The following MPDZ variants were observed in gnomAD, a reference collection of about 807,000 sequenced individuals.
MPDZ encodes multiple PDZ domain crumbs cell polarity complex component.
MPDZ carries 234 observed loss-of-function variants against 239.1 expected under a neutral mutation model. The ratio of observed to expected loss-of-function variants is 0.98; its 90% confidence interval spans 0.88 to 1.09. MPDZ has a LOEUF of 1.09. MPDZ is among the 50% of genes least tolerant of loss of function. The pLI is 0.00. For missense variants in MPDZ, 3,175 were observed against 2,510.0 expected (o/e 1.26, Z -5.66); for synonymous variants, 1,048 against 881.3 (o/e 1.19, Z -3.35).
chr9:13,165,386 C>T (rs1056794385), intron 22 of MPDZ: 11 of 1,549,352 alleles, frequency 7.1e-6, no homozygotes, highest in African/African-American at 2.7e-5. Context: ...GGGGCTCGAT[C>T]GTCAGCAGGT....
intron 32 of MPDZ, 117 bp from the exon 33 acceptor site, chr9:13,126,889 C>G (rs1187213748): frequency 2.6e-6 from 2 of 756,762 alleles, no homozygotes; most frequent in African/African-American, 3.5e-5. Flanking sequence ...AATCTAAGAC[C>G]TTAGACTTTA....
intron 22 of MPDZ, among the ~76,000 whole-genome samples, chr9:13,165,985 A>G (rs1951025107): frequency 6.6e-6 from 1 of 152,164 alleles, no homozygotes; most frequent in South Asian, 2.1e-4. Flanking sequence ...GGCAAAAAAG[A>G]AATCCAGTGC....
chr9:13,267,279 T>C (rs1302201366), intron 1 of MPDZ, among the ~76,000 whole-genome samples: 2 of 152,242 alleles, frequency 1.3e-5, no homozygotes, highest in Non-Finnish European at 2.9e-5. Context: ...CATTTGTTTA[T>C]AATAGCTTCC....
At chr9:13,257,157 G>A (rs1481632169) in intron 1 of MPDZ, among the ~76,000 whole-genome samples, 1 of 152,102 alleles carries the variant, frequency 6.6e-6, no homozygotes, top group African/African-American at 2.4e-5. Context: ...TGTTCCAATA[G>A]GCTTAGCTCT....
chr9:13,133,225 TA>T (rs1246583396), intron 32 of MPDZ, among the ~76,000 whole-genome samples: 1 of 152,054 alleles, frequency 6.6e-6, no homozygotes, highest in Non-Finnish European at 1.5e-5. Flanking sequence ...TCATCTCTCT[TA>T]AATGGCAATA....
At chr9:13,268,222 C>G (rs1465797688) in intron 1 of MPDZ, among the ~76,000 whole-genome samples, 1 of 150,986 alleles carries the variant, frequency 6.6e-6, no homozygotes, top group Admixed American at 6.6e-5. Context: ...TATAATACAT[C>G]CCAAAAAACC....
intron 1 of MPDZ, 131 bp downstream of exon 1, chr9:13,279,269 A>ACCCCCGCCCCCC (rs1181044578): frequency 3.4e-5 from 1 of 29,644 alleles, no homozygotes; most frequent in Admixed American, 2.3e-4. Context: ...CCCCACCCCC[A>ACCCCCGCCCCCC]CCCCCATCCC....
chr9:13,218,968 A>G (rs1414918573), intron 8 of MPDZ, among the ~76,000 whole-genome samples: 2 of 151,992 alleles, frequency 1.3e-5, no homozygotes, highest in Non-Finnish European at 2.9e-5. Flanking sequence ...TTATAACACC[A>G]AAAGAATAAC....
At chr9:13,190,359 A>G (rs1425253701) in intron 15 of MPDZ, 60 bp from the exon 16 acceptor site, 1 of 1,330,008 alleles carries the variant, frequency 7.5e-7, no homozygotes, top group Non-Finnish European at 9.7e-7. Flanking sequence ...ACACATACCA[A>G]CACTACAAGA....
chr9:13,144,804 T>G (rs1252629593), intron 26 of MPDZ, among the ~76,000 whole-genome samples: 1 of 152,090 alleles, frequency 6.6e-6, no homozygotes, highest in Non-Finnish European at 1.5e-5. Context: ...GCTTTTCAGT[T>G]TAAAATGTCA....
chr9:13,115,415 TC>T (rs1364620631), intron 39 of MPDZ, 81 bp from the exon 40 acceptor site: 19 of 1,204,496 alleles, frequency 1.6e-5, no homozygotes, highest in Admixed American at 3.9e-5. Flanking sequence ...ATTTTACTCT[TC>T]AAGACTTTTT....
Position 13,211,534 on chromosome 9 carries a change from G to C in MPDZ, c.1290+5240C>G, listed in dbSNP as rs573002413. Among the ~76,000 whole-genome samples, 3 of 152,172 alleles carry C rather than the reference G, an allele frequency of 2.0e-5. No individual in the cohort carries two copies. In the East Asian group the frequency reaches 5.8e-4, roughly 29 times the overall value. ...AAACTAAGAAATCTGTAGTATACAA[G>C]ATACAGTGCTGAGCAACAAAATAAG... On this transcript the variant is annotated intron_variant, in intron 10 of 46. Transcript: ENST00000319217.
At chr9:13,261,169 G>T (rs1481862432) in intron 1 of MPDZ, among the ~76,000 whole-genome samples, 1 of 152,210 alleles carries the variant, frequency 6.6e-6, no homozygotes, top group African/African-American at 2.4e-5. Flanking sequence ...AAGCTAAAAT[G>T]GGGTACACAC....
intron 1 of MPDZ, among the ~76,000 whole-genome samples, chr9:13,260,211 G>A (rs937239860): frequency 6.6e-6 from 1 of 151,994 alleles, no homozygotes; most frequent in African/African-American, 2.4e-5. Flanking sequence ...CTCTGGCAAT[G>A]GTATGGAGGA....
At chr9:13,128,955 C>A (rs906604279) in intron 32 of MPDZ, among the ~76,000 whole-genome samples, 1 of 152,140 alleles carries the variant, frequency 6.6e-6, no homozygotes, top group African/African-American at 2.4e-5. Context: ...AGTCACAGGA[C>A]CAACTACCCT....
chr9:13,272,880 T>C (rs556435148), intron 1 of MPDZ, among the ~76,000 whole-genome samples: 3 of 152,034 alleles, frequency 2.0e-5, no homozygotes, highest in Non-Finnish European at 4.4e-5. Context: ...GCAAGACCTA[T>C]TAAGGGGGCT....
chr9:13,114,825 G>C (rs889674111), intron 40 of MPDZ, among the ~76,000 whole-genome samples: 1 of 151,976 alleles, frequency 6.6e-6, no homozygotes, highest in African/African-American at 2.4e-5. Flanking sequence ...TACTTCGCCC[G>C]GGAGGCGAAG....
chr9:13,251,830 A>C (rs1411263180), intron 1 of MPDZ, among the ~76,000 whole-genome samples: 1 of 152,212 alleles, frequency 6.6e-6, no homozygotes, highest in Non-Finnish European at 1.5e-5. Flanking sequence ...TCAAATGTTA[A>C]ATTGTTTAAC....
chr9:13,255,837 T>C (rs1969303668), intron 1 of MPDZ, among the ~76,000 whole-genome samples: 1 of 152,164 alleles, frequency 6.6e-6, no homozygotes, highest in African/African-American at 2.4e-5. Context: ...ATTTTTGAAA[T>C]GGTAAATAAG....
Sources: gnomAD v4.1 joint callset for allele counts (sites outside exome capture counted in the v4.1 genomes callset) on GRCh38, gnomAD v4.1.1 for gene constraint, MANE v1.5 for transcripts, NCBI Gene and HGNC (gene_info 2026-07-23, HGNC 2026-07-21) for gene names.